RINT1: variants seen among roughly 807,000 people sequenced by gnomAD.
The protein encoded by RINT1 is RAD50 interactor 1, also known as RAD50-interacting protein 1.
A neutral mutation model predicts 97.7 loss-of-function variants in RINT1; 75 were observed. The ratio of observed to expected loss-of-function variants is 0.77; its 90% CI spans 0.64 to 0.93. The LOEUF (loss-of-function observed/expected upper bound fraction) is 0.93. RINT1 is among the 40% of genes least tolerant of loss of function. RINT1 has a pLI of 0.00. For missense variants in RINT1, 892 were observed against 925.2 expected (o/e 0.96, Z 0.47); for synonymous variants, 303 against 326.3 (o/e 0.93, Z 0.77).
intron 2 of RINT1, among the ~76,000 whole-genome samples, chr7:105,535,170 C>T (rs1440120133): frequency 2.7e-5 from 4 of 150,252 alleles, no homozygotes; most frequent in African/African-American, 9.8e-5. Context: ...TTTCTTTTTT[C>T]TGTTTCTGAC....
chr7:105,563,387 GTCTC>G (rs2133460744), intron 11 of RINT1, among the ~76,000 whole-genome samples: 1 of 152,270 alleles, frequency 6.6e-6, no homozygotes, highest in South Asian at 2.1e-4. Flanking sequence ...TTGAGATGGA[GTCTC>G]ACTTTGTCGC....
Position 105,547,336 on chromosome 7 carries a change from A to G in RINT1, c.839+3A>G, listed in dbSNP as rs538561688. 1 of 1,613,662 alleles carries G rather than the reference A, an allele frequency of 6.2e-7. No homozygotes were observed. Among genetic ancestry groups the G allele is most frequent in the Non-Finnish European group, 8.5e-7 (1 of 1,179,818 alleles). On this transcript the variant is annotated splice_donor_region_variant and intron_variant, in intron 6 of 14. Transcript: ENST00000257700. ...CAGCTTTTGAAACTACAAACCTCGT[A>G]TCTTTGTTGCAGCTGAAAACTTACT...
At chr7:105,557,432 A>C (rs1180980996) in intron 11 of RINT1, among the ~76,000 whole-genome samples, 4 of 152,154 alleles carry the variant, frequency 2.6e-5, no homozygotes, top group Non-Finnish European at 5.9e-5. Context: ...AAGATAAATT[A>C]ATTTAAAATA....
Position 105,545,530 on chromosome 7 carries a change from A to AT in RINT1, c.516-1367dup, listed in dbSNP as rs527695679. Among the ~76,000 whole-genome samples the AT allele has an allele frequency of 1.9e-3, 261 of 140,138 alleles. 1 individual carries two copies. The highest frequency in any genetic ancestry group is 5.5e-3 in the African/African-American group (208 of 37,808). 91.9% of individuals were successfully genotyped at this position (140,138 alleles called of 152,430 possible). A position where few individuals can be genotyped will look rare whatever the true frequency, so the allele number is the denominator to read the frequency against. On this transcript the variant is annotated intron_variant, in intron 4 of 14. Coordinates refer to ENST00000257700, the MANE Select transcript of RINT1 (RefSeq NM_021930.6). Reference sequence around the variant, plus strand: ...GTAATATTTGTATATATATATATATATTTTTTTTTTTTTGAGATGGAGTCT... The same window carrying AT: ...GTAATATTTGTATATATATATATATATTTTTTTTTTTTTTGAGATGGAGTCT...
Position 105,536,678 on chromosome 7 carries a change from C to G in RINT1, c.202C>G (p.Leu68Val). The change falls in exon 3 of 15, where the codon CTT (leucine) becomes GTT (valine). Residue 68 changes from leucine (L) to valine (V), a missense_variant. Leu to Val is a conservative substitution (Grantham distance 32). Coordinates refer to ENST00000257700, the MANE Select transcript of RINT1 (RefSeq NM_021930.6). Reference protein sequence around the residue: ...AFIEKEVGNDLKSLKKLDKLI... With the variant: ...AFIEKEVGNDVKSLKKLDKLI... The stretch of plus-strand genomic sequence containing the variant: ...CATAGAAAAGGAAGTTGGAAATGAC[C>G]TTAAATCTTTAAAGAAACTTGATAA... 1 of 1,612,532 alleles carries G rather than the reference C, an allele frequency of 6.2e-7. No homozygotes were observed. The highest frequency in any genetic ancestry group is 1.1e-5 in the South Asian group (1 of 90,850).
In RINT1 at chr7:105,567,434, A is replaced by G. The variant is rs1184374133; in HGVS notation, c.*123A>G. The G allele has an allele frequency of 6.6e-6, 5 of 760,254 alleles. No homozygotes were observed. The African/African-American group carries it at 6.9e-5, about 11-fold the overall frequency. 47.1% of individuals were successfully genotyped at this position (760,254 alleles called of 1,614,324 possible). A position where few individuals can be genotyped will look rare whatever the true frequency, so the allele number is the denominator to read the frequency against. On this transcript the variant is annotated 3_prime_UTR_variant, in exon 15 of 15. Transcript: ENST00000257700. ...GGAAAACTTTATAGAATTACTTATT[A>G]TCTTGGATTTATGGTGTTATTAAAA...
chr7:105,537,922 G>A (rs1790311459), intron 3 of RINT1, among the ~76,000 whole-genome samples: 1 of 151,914 alleles, frequency 6.6e-6, no homozygotes. Context: ...AAAACCCAAT[G>A]AGTATAAGCT....
At chr7:105,557,425 ATAAAT>A (rs1484635879) in intron 11 of RINT1, among the ~76,000 whole-genome samples, 1 of 152,154 alleles carries the variant, frequency 6.6e-6, no homozygotes, top group Non-Finnish European at 1.5e-5. Flanking sequence ...GATGGACAAG[ATAAAT>A]TAATTTAAAA....
At chr7:105,554,731 C>T (rs1791099570) in intron 10 of RINT1, among the ~76,000 whole-genome samples, 2 of 152,172 alleles carry the variant, frequency 1.3e-5, no homozygotes, top group South Asian at 2.1e-4. Context: ...TGAGCCACCA[C>T]GACTGGCCAA....
chr7:105,542,247 A>T, intron 3 of RINT1, 161 bp from the exon 4 acceptor site: 1 of 595,082 alleles, frequency 1.7e-6, no homozygotes, highest in South Asian at 2.1e-5. Flanking sequence ...AGGTGGGAGG[A>T]TTGGTTGAGC....
intron 4 of RINT1, among the ~76,000 whole-genome samples, chr7:105,543,714 A>T (rs1790549721): frequency 2.0e-5 from 3 of 152,230 alleles, no homozygotes; most frequent in East Asian, 3.9e-4. Context: ...TACTTTTGTT[A>T]TGGATATGTT....
At chr7:105,548,877 T>C (rs1027283351) in intron 7 of RINT1, among the ~76,000 whole-genome samples, 167 bp downstream of exon 7, 3 of 152,244 alleles carry the variant, frequency 2.0e-5, no homozygotes. Context: ...AATTGAGGAC[T>C]TGTGTTCATA....
intron 4 of RINT1, among the ~76,000 whole-genome samples, chr7:105,545,855 G>A (rs1445287017): frequency 6.7e-6 from 1 of 149,864 alleles, no homozygotes; most frequent in Non-Finnish European, 1.5e-5. Flanking sequence ...CCAGGCTAGA[G>A]TGCAGTGGCA....
chr7:105,560,415 G>A (rs1791387664), intron 11 of RINT1, among the ~76,000 whole-genome samples: 1 of 152,152 alleles, frequency 6.6e-6, no homozygotes, highest in Non-Finnish European at 1.5e-5. Flanking sequence ...TGTAAAAGTA[G>A]TTGATGCCCA....
At chr7:105,537,006 C>T (rs1156370819) in intron 3 of RINT1, among the ~76,000 whole-genome samples, 2 of 151,820 alleles carry the variant, frequency 1.3e-5, no homozygotes, top group Admixed American at 1.3e-4. Flanking sequence ...CATAGAGTGA[C>T]TTTTTTTTCC....
intron 4 of RINT1, among the ~76,000 whole-genome samples, chr7:105,544,922 A>T (rs1790597830): frequency 6.9e-6 from 1 of 145,718 alleles, no homozygotes; most frequent in Non-Finnish European, 1.5e-5. Context: ...AGCTTCTGGG[A>T]TTTTCTTCAT....
chr7:105,542,366 G>T, intron 3 of RINT1, 42 bp from the exon 4 acceptor site: 1 of 1,441,574 alleles, frequency 6.9e-7, no homozygotes, highest in Non-Finnish European at 9.6e-7. Flanking sequence ...TTATCTGATT[G>T]CTGCTGTTCT....
At chr7:105,538,606 C>T (rs981280663) in intron 3 of RINT1, among the ~76,000 whole-genome samples, 4 of 152,220 alleles carry the variant, frequency 2.6e-5, no homozygotes, top group Non-Finnish European at 4.4e-5. Context: ...TCCATGGGAA[C>T]GTCAGCTCCT....
In RINT1 at chr7:105,550,085, T is replaced by C. The variant is rs760416206; in HGVS notation, c.1027T>C (p.Trp343Arg). 1 of 1,613,388 alleles carries C rather than the reference T, an allele frequency of 6.2e-7. No homozygotes were observed. The highest frequency in any genetic ancestry group is 8.5e-7 in the Non-Finnish European group (1 of 1,179,530). Residue 343 changes from tryptophan (W) to arginine (R), a missense_variant, in exon 8 of 15, where the codon TGG (tryptophan) becomes CGG (arginine). Coordinates refer to ENST00000257700, the MANE Select transcript of RINT1 (RefSeq NM_021930.6). ...PEWYLAQVLM[W>R]IGNHTEFLDE... The stretch of plus-strand genomic sequence containing the variant: ...ATGGTACTTGGCTCAAGTACTTATG[T>C]GGATTGGAAACCATACTGAATTTCT...
Sources: gnomAD v4.1 joint callset for allele counts (sites outside exome capture counted in the v4.1 genomes callset) on GRCh38, gnomAD v4.1.1 for gene constraint, MANE v1.5 for transcripts, NCBI Gene and HGNC (gene_info 2026-07-23, HGNC 2026-07-21) for gene names.